CABCOCO1: variants seen among roughly 807,000 people sequenced by gnomAD.
CABCOCO1 encodes the protein ciliary associated calcium binding coiled-coil 1, also known as ciliary-associated calcium-binding coiled-coil protein 1.
Under a neutral mutation model 35.7 loss-of-function variants are expected in CABCOCO1, and 28 were observed. The observed-to-expected ratio is 0.78, with a 90% CI of 0.58 to 1.07. The LOEUF (loss-of-function observed/expected upper bound fraction) is 1.07, where lower values mean the gene tolerates loss of function less well. Ranked by LOEUF, CABCOCO1 falls within the 50% of genes least tolerant of loss-of-function variation. The pLI, the probability that CABCOCO1 is intolerant of heterozygous loss-of-function variation, is 0.00. For synonymous variants in CABCOCO1, 95 were observed against 100.1 expected (o/e 0.95, Z 0.30); for missense variants, 326 against 309.2 (o/e 1.05, Z -0.41).
At chr10:61,739,708 T>G (rs1308250332) in intron 5 of CABCOCO1, among the ~76,000 whole-genome samples, 1 of 152,178 alleles carries the variant, frequency 6.6e-6, no homozygotes, top group East Asian at 1.9e-4. Context: ...TCCCAGCACT[T>G]TGGGAGGCTG....
At chr10:61,719,619 T>A (rs1564546548) in intron 5 of CABCOCO1, among the ~76,000 whole-genome samples, 1 of 152,018 alleles carries the variant, frequency 6.6e-6, no homozygotes, top group Admixed American at 6.5e-5. Flanking sequence ...ACCTGTTCTC[T>A]TAATTAAGAG....
chr10:61,724,322 G>C (rs986227174), intron 5 of CABCOCO1, among the ~76,000 whole-genome samples: 3 of 152,094 alleles, frequency 2.0e-5, no homozygotes, highest in African/African-American at 7.2e-5. Context: ...ACTGAGAATA[G>C]AGAATATTGC....
chr10:61,742,680 T>G (rs941423482), intron 5 of CABCOCO1, among the ~76,000 whole-genome samples: 7 of 152,186 alleles, frequency 4.6e-5, no homozygotes, highest in Non-Finnish European at 8.8e-5. Context: ...AAATGCTTAT[T>G]ACAGTGCCCA....
At chr10:61,764,076 G>A (rs761494113) in intron 7 of CABCOCO1, among the ~76,000 whole-genome samples, 9 of 151,964 alleles carry the variant, frequency 5.9e-5, no homozygotes, top group South Asian at 2.1e-4. Context: ...ATTCTGTCTC[G>A]GTAAAATACC....
In CABCOCO1 at chr10:61,712,661, C is replaced by T. The variant is rs576524413; in HGVS notation, c.552+22040C>T. On this transcript the variant is annotated intron_variant, in intron 5 of 7. Transcript: ENST00000648843. ...AGATCTAACATTTAAGTCTTTAATC[C>T]ATCTTGAAATAATTTATGTATAAGG... is the stretch of plus-strand genomic sequence containing the variant. Among the ~76,000 whole-genome samples, 9 of 152,202 alleles carry T rather than the reference C, an allele frequency of 5.9e-5. 1 individual carries two copies. The South Asian group carries it at 1.9e-3, about 32-fold the overall frequency.
At chr10:61,742,728 G>A (rs1174615426) in intron 5 of CABCOCO1, among the ~76,000 whole-genome samples, 1 of 152,162 alleles carries the variant, frequency 6.6e-6, no homozygotes, top group Non-Finnish European at 1.5e-5. Context: ...GGATGTACTT[G>A]CATTTGGTTT....
chr10:61,711,545 T>C (rs1840733946), intron 5 of CABCOCO1, among the ~76,000 whole-genome samples: 1 of 152,018 alleles, frequency 6.6e-6, no homozygotes, highest in Non-Finnish European at 1.5e-5. Context: ...ATGGTAAATG[T>C]CAACACTCTC....
intron 2 of CABCOCO1, among the ~76,000 whole-genome samples, chr10:61,674,905 C>A (rs770531222): frequency 6.6e-6 from 1 of 151,928 alleles, no homozygotes; most frequent in African/African-American, 2.4e-5. Context: ...AGAATAAGGA[C>A]TAAAATGAAA....
At chr10:61,701,312 T>C (rs948837172) in intron 5 of CABCOCO1, among the ~76,000 whole-genome samples, 9 of 152,150 alleles carry the variant, frequency 5.9e-5, no homozygotes, top group African/African-American at 2.2e-4. Context: ...CATAACATTA[T>C]AAAAATGTCT....
chr10:61,718,644 G>T (rs1394183862), intron 5 of CABCOCO1, among the ~76,000 whole-genome samples: 1 of 152,170 alleles, frequency 6.6e-6, no homozygotes, highest in East Asian at 1.9e-4. Flanking sequence ...AACCAATCAA[G>T]TTGTCATTTT....
chr10:61,701,830 A>T (rs892899062), intron 5 of CABCOCO1: 1 of 965,264 alleles, frequency 1.0e-6, no homozygotes, highest in Non-Finnish European at 1.2e-6. Flanking sequence ...AAAAGAAAAG[A>T]TTCAGAGTGG....
At chr10:61,740,756 C>A (rs564686875) in intron 5 of CABCOCO1, among the ~76,000 whole-genome samples, 1 of 151,868 alleles carries the variant, frequency 6.6e-6, no homozygotes, top group Non-Finnish European at 1.5e-5. Flanking sequence ...GAATATGAAA[C>A]GAACAATATA....
At chr10:61,737,472 A>T (rs1421263014) in intron 5 of CABCOCO1, among the ~76,000 whole-genome samples, 1 of 152,228 alleles carries the variant, frequency 6.6e-6, no homozygotes, top group African/African-American at 2.4e-5. Context: ...CCAGAGGAAT[A>T]TAAAGCATTC....
chr10:61,746,808 GA>G (rs1241522307), intron 5 of CABCOCO1, among the ~76,000 whole-genome samples: 1 of 151,908 alleles, frequency 6.6e-6, no homozygotes, highest in Non-Finnish European at 1.5e-5. Flanking sequence ...GGAATAATAG[GA>G]AATGAATTTA....
rs931715102 is a variant in CABCOCO1 at position 61,766,034 on chromosome 10, G to A, written c.*21G>A. On this transcript the variant is annotated 3_prime_UTR_variant, in exon 8 of 8. Transcript: ENST00000648843. Reference sequence around the variant, plus strand: ...CCTAAGGACTTGGTACAAGGAGAGTGATGCTAAACTTCACAGAAACAAACA... The same window carrying A: ...CCTAAGGACTTGGTACAAGGAGAGTAATGCTAAACTTCACAGAAACAAACA... 1 of 1,594,156 alleles carries A rather than the reference G, an allele frequency of 6.3e-7. No homozygotes were observed. The highest frequency in any genetic ancestry group is 1.3e-5 in the African/African-American group (1 of 74,280).
chr10:61,664,330 A>G (rs1361741833), intron 1 of CABCOCO1, among the ~76,000 whole-genome samples: 1 of 152,200 alleles, frequency 6.6e-6, no homozygotes, highest in Non-Finnish European at 1.5e-5. Flanking sequence ...GTACACATAC[A>G]TATGCTCACC....
chr10:61,709,886 A>G (rs187396584), intron 5 of CABCOCO1, among the ~76,000 whole-genome samples: 2 of 152,184 alleles, frequency 1.3e-5, no homozygotes, highest in Admixed American at 1.3e-4. Flanking sequence ...AGATTAATGG[A>G]AATGTTTGTG....
intron 5 of CABCOCO1, among the ~76,000 whole-genome samples, chr10:61,726,824 A>G (rs540418478): frequency 6.9e-6 from 1 of 144,792 alleles, no homozygotes; most frequent in East Asian, 2.0e-4. Context: ...TTGGGAGGCG[A>G]GCGGGGGTGG....
chr10:61,680,573 TTA>T (rs1286998746), intron 2 of CABCOCO1, among the ~76,000 whole-genome samples: 1 of 95,514 alleles, frequency 1.0e-5, no homozygotes, highest in Non-Finnish European at 1.9e-5. Flanking sequence ...TTTGTATATA[TTA>T]TGTTATATAT....
Sources: allele counts gnomAD v4.1 joint callset (sites outside exome capture counted in the v4.1 genomes callset), GRCh38; gene constraint gnomAD v4.1.1; transcripts MANE v1.5; gene names NCBI Gene and HGNC (gene_info 2026-07-23, HGNC 2026-07-21).